The following NEK10 variants were observed in gnomAD, a reference collection of about 807,000 sequenced individuals.
NEK10 encodes NIMA related kinase 10, also known as serine/threonine-protein kinase Nek10.
NEK10 carries 122 observed loss-of-function variants against 159.8 expected under a neutral mutation model. The ratio of observed to expected loss-of-function variants is 0.76; its 90% confidence interval spans 0.66 to 0.89. The LOEUF (loss-of-function observed/expected upper bound fraction) is 0.89, where lower values mean the gene tolerates loss of function less well. NEK10 is among the 40% of genes least tolerant of loss of function. The pLI, the probability that NEK10 is intolerant of heterozygous loss-of-function variation, is 0.00. For missense variants in NEK10, 1,342 were observed against 1,323.1 expected (o/e 1.01, Z -0.22); for synonymous variants, 466 against 457.1 (o/e 1.02, Z -0.25).
chr3:27,247,480 G>A (rs1278723271), intron 23 of NEK10, among the ~76,000 whole-genome samples: 1 of 152,096 alleles, frequency 6.6e-6, no homozygotes, highest in Admixed American at 6.6e-5. Flanking sequence ...TGATCATGAG[G>A]AATAATCATT....
chr3:27,257,597 A>G (rs112220199), intron 22 of NEK10, among the ~76,000 whole-genome samples: 1,758 of 152,270 alleles, frequency 0.012, 10 homozygotes, highest in South Asian at 0.021. Flanking sequence ...AAATTCAGCC[A>G]CTTACATGAA....
chr3:27,285,030 T>A, intron 20 of NEK10, 69 bp from the exon 21 acceptor site: 1 of 1,258,064 alleles, frequency 7.9e-7, no homozygotes, highest in Non-Finnish European at 1.1e-6. Context: ...ACTTTACGAA[T>A]GAGAGTTCAA....
At chr3:27,184,951 T>G (rs1948475591) in intron 26 of NEK10, among the ~76,000 whole-genome samples, 1 of 152,158 alleles carries the variant, frequency 6.6e-6, no homozygotes, top group Admixed American at 6.5e-5. Context: ...ATAGCACATT[T>G]TTTAATTTGC....
intron 23 of NEK10, among the ~76,000 whole-genome samples, chr3:27,230,838 C>G (rs114482852): frequency 6.6e-6 from 1 of 151,860 alleles, no homozygotes; most frequent in Admixed American, 6.6e-5. Context: ...TAAATACATA[C>G]GCACCTAACA....
intron 5 of NEK10, among the ~76,000 whole-genome samples, chr3:27,337,364 A>G (rs974077696): frequency 2.0e-5 from 3 of 152,182 alleles, no homozygotes; most frequent in African/African-American, 7.2e-5. Flanking sequence ...GGATCAGAAT[A>G]TCATTAAAAT....
intron 23 of NEK10, among the ~76,000 whole-genome samples, chr3:27,255,631 T>A (rs1956095326): frequency 6.6e-6 from 1 of 152,152 alleles, no homozygotes; most frequent in African/African-American, 2.4e-5. Context: ...ACAAATGACA[T>A]GTGATCAGCA....
chr3:27,353,910 A>AAGAGAAGGGAGAAGGG, intron 1 of NEK10, among the ~76,000 whole-genome samples: 1 of 152,306 alleles, frequency 6.6e-6, no homozygotes, highest in African/African-American at 2.4e-5. Flanking sequence ...AAAAGAAAGA[A>AAGAGAAGGGAGAAGGG]AGAGAAGGGA....
intron 33 of NEK10, among the ~76,000 whole-genome samples, chr3:27,117,334 T>C (rs1559474404): frequency 1.3e-5 from 2 of 152,214 alleles, no homozygotes; most frequent in Non-Finnish European, 2.9e-5. Context: ...TTTCTTTGGG[T>C]ATATACCCAG....
At chr3:27,233,821 G>A (rs1179293633) in intron 23 of NEK10, among the ~76,000 whole-genome samples, 5 of 151,918 alleles carry the variant, frequency 3.3e-5, no homozygotes, top group Admixed American at 1.3e-4. Context: ...AACAAAAAAG[G>A]AAAACTTCAG....
At chr3:27,285,044 TC>T (rs1277227401) in intron 20 of NEK10, 83 bp from the exon 21 acceptor site, 1 of 1,040,750 alleles carries the variant, frequency 9.6e-7, no homozygotes. Flanking sequence ...AGTTCAAGCT[TC>T]CCAGTGTCTG....
At chr3:27,204,769 C>T (rs79257061) in intron 23 of NEK10, among the ~76,000 whole-genome samples, 17,090 of 122,806 alleles carry the variant, frequency 0.14, 1,256 homozygotes, top group Middle Eastern at 0.27. Context: ...GCAATAAACA[C>T]ACGTGTGCAT....
chr3:27,280,182 G>A (rs2042057286), intron 22 of NEK10, among the ~76,000 whole-genome samples: 1 of 151,594 alleles, frequency 6.6e-6, no homozygotes, highest in Non-Finnish European at 1.5e-5. Context: ...AATGGGCTTG[G>A]CAACAACAGA....
chr3:27,136,548 TAAAG>T (rs1943237014), intron 31 of NEK10, among the ~76,000 whole-genome samples: 1 of 152,190 alleles, frequency 6.6e-6, no homozygotes, highest in African/African-American at 2.4e-5. Context: ...CAATAACACA[TAAAG>T]ACTCATACTC....
intron 31 of NEK10, among the ~76,000 whole-genome samples, chr3:27,133,792 T>A (rs1202294717): frequency 1.3e-5 from 2 of 152,120 alleles, no homozygotes; most frequent in Non-Finnish European, 2.9e-5. Context: ...AAAAAATGTA[T>A]CTTTTATCCT....
intron 2 of NEK10, 99 bp from the exon 3 acceptor site, chr3:27,352,624 A>G (rs2048052768): frequency 1.1e-6 from 1 of 906,614 alleles, no homozygotes; most frequent in East Asian, 2.4e-5. Flanking sequence ...GCCTGCTTTT[A>G]TCAACTGGAA....
chr3:27,283,978 C>G (rs1288737899), intron 22 of NEK10, among the ~76,000 whole-genome samples: 1 of 152,168 alleles, frequency 6.6e-6, no homozygotes, highest in Non-Finnish European at 1.5e-5. Flanking sequence ...CTTAAGTATT[C>G]TAAGAGTACT....
chr3:27,119,320 G>T (rs1940950285), intron 33 of NEK10, among the ~76,000 whole-genome samples: 1 of 152,104 alleles, frequency 6.6e-6, no homozygotes, highest in African/African-American at 2.4e-5. Context: ...ATGCTATACT[G>T]CCTCCCTATG....
chr3:27,183,918 G>A (rs1452479471), intron 26 of NEK10, among the ~76,000 whole-genome samples: 3 of 152,152 alleles, frequency 2.0e-5, no homozygotes, highest in African/African-American at 2.4e-5. Flanking sequence ...GGCTAAAATC[G>A]GAAAGACTGA....
chr3:27,342,757 T>C (rs925550364), intron 5 of NEK10, among the ~76,000 whole-genome samples: 13 of 152,052 alleles, frequency 8.5e-5, no homozygotes, highest in African/African-American at 3.1e-4. Context: ...CCCCAAAGTA[T>C]TGACCCAATA....
Sources: allele counts gnomAD v4.1 joint callset (sites outside exome capture counted in the v4.1 genomes callset), GRCh38; gene constraint gnomAD v4.1.1; transcripts MANE v1.5; gene names NCBI Gene and HGNC (gene_info 2026-07-23, HGNC 2026-07-21).